The following HTR1F variants were observed in gnomAD, a reference collection of about 807,000 sequenced individuals.
HTR1F encodes 5-hydroxytryptamine receptor 1F, also known as 5-hydroxytryptamine (serotonin) receptor 1F, G protein-coupled.
Under a neutral mutation model 24.0 loss-of-function variants are expected in HTR1F, and 17 were observed. The observed-to-expected ratio is 0.71, with a 90% CI of 0.48 to 1.06. HTR1F has a LOEUF of 1.06. Among genes scored for constraint, HTR1F ranks in the 50% least tolerant of loss-of-function variants. The probability of loss-of-function intolerance (pLI) is 0.00; values close to 1 mark genes in which losing one functional copy is unlikely to be tolerated. For synonymous variants in HTR1F, 186 were observed against 156.8 expected (o/e 1.19, Z -1.39); for missense variants, 391 against 427.8 (o/e 0.91, Z 0.76).
intron 2 of HTR1F, among the ~76,000 whole-genome samples, chr3:87,870,751 A>C (rs1705535443): frequency 6.6e-6 from 1 of 152,106 alleles, no homozygotes; most frequent in African/African-American, 2.4e-5. Context: ...CAGAGAAACC[A>C]CAGTACCACA....
At chr3:87,797,419 G>A (rs2107056551) in intron 1 of HTR1F, among the ~76,000 whole-genome samples, 1 of 152,246 alleles carries the variant, frequency 6.6e-6, no homozygotes, top group East Asian at 1.9e-4. Flanking sequence ...AGAAAAAGTT[G>A]CAATGCAGTA....
intron 2 of HTR1F, among the ~76,000 whole-genome samples, chr3:87,920,064 T>C (rs1157271440): frequency 6.8e-6 from 1 of 146,598 alleles, no homozygotes; most frequent in Non-Finnish European, 1.5e-5. Flanking sequence ...AGAATACTAC[T>C]CAGCCATAAA....
chr3:87,881,196 T>C (rs577118211), intron 2 of HTR1F, among the ~76,000 whole-genome samples: 2 of 152,314 alleles, frequency 1.3e-5, no homozygotes, highest in South Asian at 4.2e-4. Flanking sequence ...CGTGACAGAC[T>C]GTACCTGGAA....
At chr3:87,875,495 C>A (rs1284894943) in intron 2 of HTR1F, among the ~76,000 whole-genome samples, 1 of 151,488 alleles carries the variant, frequency 6.6e-6, no homozygotes, top group African/African-American at 2.4e-5. Flanking sequence ...AAGGTATCAA[C>A]CAACAGAGTG....
intron 1 of HTR1F, among the ~76,000 whole-genome samples, chr3:87,806,436 G>A (rs1704075853): frequency 6.6e-6 from 1 of 151,918 alleles, no homozygotes; most frequent in Admixed American, 6.6e-5. Flanking sequence ...CATTTTAACT[G>A]GGGTAAAACA....
At chr3:87,822,883 C>A (rs1483291411) in intron 2 of HTR1F, among the ~76,000 whole-genome samples, 1 of 152,200 alleles carries the variant, frequency 6.6e-6, no homozygotes, top group Non-Finnish European at 1.5e-5. Flanking sequence ...TGGCTCCTAG[C>A]CGGATAATAT....
At chr3:87,890,204 A>C (rs1706046009) in intron 2 of HTR1F, among the ~76,000 whole-genome samples, 1 of 152,180 alleles carries the variant, frequency 6.6e-6, no homozygotes, top group African/African-American at 2.4e-5. Context: ...ATCTGAAGGG[A>C]GCAAAAATAA....
At chr3:87,965,854 G>A (rs1047249998) in intron 2 of HTR1F, among the ~76,000 whole-genome samples, 2 of 152,124 alleles carry the variant, frequency 1.3e-5, no homozygotes, top group South Asian at 2.1e-4. Context: ...GTTTATACCC[G>A]GATTAGAGCC....
intron 2 of HTR1F, among the ~76,000 whole-genome samples, chr3:87,853,692 C>T (rs753370981): frequency 3.9e-5 from 6 of 151,962 alleles, no homozygotes; most frequent in Non-Finnish European, 7.4e-5. Context: ...AGTGTATAAG[C>T]GTTTCTTTTC....
At chr3:87,874,385 C>G (rs1250911647) in intron 2 of HTR1F, among the ~76,000 whole-genome samples, 3 of 152,044 alleles carry the variant, frequency 2.0e-5, no homozygotes, top group Non-Finnish European at 4.4e-5. Flanking sequence ...AACAGTCCCA[C>G]TTACCATAGC....
intron 2 of HTR1F, among the ~76,000 whole-genome samples, chr3:87,978,711 T>C (rs543902699): frequency 6.6e-6 from 1 of 151,848 alleles, no homozygotes; most frequent in East Asian, 2.0e-4. Context: ...CCAGGATTTT[T>C]ATAGGCTTCA....
At chr3:87,850,816 CAA>C (rs1276062383) in intron 2 of HTR1F, among the ~76,000 whole-genome samples, 1 of 142,884 alleles carries the variant, frequency 7.0e-6, no homozygotes. Context: ...GGAACAACAA[CAA>C]AAAAAAAAAC....
At chr3:87,951,807 A>C (rs1704840238) in intron 2 of HTR1F, among the ~76,000 whole-genome samples, 1 of 152,038 alleles carries the variant, frequency 6.6e-6, no homozygotes, top group East Asian at 1.9e-4. Flanking sequence ...CACTGGCCTA[A>C]AAATCCTCTA....
rs112411499 is a variant in HTR1F at position 87,970,723 on chromosome 3, C to T, written c.-42-19985C>T. Among the ~76,000 whole-genome samples, 735 of 152,280 alleles carry T rather than the reference C, an allele frequency of 4.8e-3. 2 individuals carry two copies. The highest frequency in any genetic ancestry group is 0.017 in the African/African-American group (709 of 41,552). On this transcript the variant is annotated intron_variant, in intron 2 of 2. Coordinates refer to ENST00000319595, the MANE Select transcript of HTR1F (RefSeq NM_001322209.2). The stretch of plus-strand genomic sequence containing the variant: ...CGGATTCCTTCCCTTATAATCTAAA[C>T]TTATTTCCCTATTGGTGTCTTTATT...
chr3:87,905,699 C>G (rs1559625997), intron 2 of HTR1F, among the ~76,000 whole-genome samples: 1 of 150,240 alleles, frequency 6.7e-6, no homozygotes, highest in African/African-American at 2.5e-5. Context: ...TCAAGGAGGA[C>G]TCAAAGGTGT....
intron 2 of HTR1F, among the ~76,000 whole-genome samples, chr3:87,921,644 A>T (rs1307489552): frequency 1.3e-5 from 2 of 152,038 alleles, no homozygotes; most frequent in East Asian, 3.9e-4. Context: ...AACTATCATC[A>T]TTCTATAGTG....
intron 2 of HTR1F, among the ~76,000 whole-genome samples, chr3:87,920,029 TTATA>T (rs74326472): frequency 1.8e-4 from 25 of 141,984 alleles, no homozygotes; most frequent in African/African-American, 3.7e-4. Context: ...ATATGTAATA[TTATA>T]TATATATATA....
chr3:87,911,250 C>G (rs1266046166), intron 2 of HTR1F, among the ~76,000 whole-genome samples: 1 of 151,768 alleles, frequency 6.6e-6, no homozygotes. Context: ...AAGAGAAGAT[C>G]CAAATAAACA....
At chr3:87,961,772 G>C (rs1164426631) in intron 2 of HTR1F, among the ~76,000 whole-genome samples, 1 of 150,218 alleles carries the variant, frequency 6.7e-6, no homozygotes, top group East Asian at 1.9e-4. Context: ...GAAAGTAATG[G>C]AGGTAGTATA....
Sources: allele counts gnomAD v4.1 joint callset (sites outside exome capture counted in the v4.1 genomes callset), GRCh38; gene constraint gnomAD v4.1.1; transcripts MANE v1.5; gene names NCBI Gene and HGNC (gene_info 2026-07-23, HGNC 2026-07-21).